The following CPXM2 variants were observed in gnomAD, a reference collection of about 807,000 sequenced individuals.
CPXM2 encodes carboxypeptidase X, M14 family member 2, also known as inactive carboxypeptidase-like protein X2.
Under a neutral mutation model 86.1 loss-of-function variants are expected in CPXM2, and 66 were observed. That is an observed-to-expected ratio of 0.77 (90% CI 0.63 to 0.94). The LOEUF is 0.94. CPXM2 is among the 40% of genes least tolerant of loss of function. The pLI is 0.00. For synonymous variants in CPXM2, 388 were observed against 400.2 expected, an observed-to-expected ratio of 0.97 and a Z score of 0.36; for missense variants, 948 against 1,026.3, an observed-to-expected ratio of 0.92 and a Z score of 1.04.
chr10:123,941,226 T>C (rs985845889), upstream of CPXM2, among the ~76,000 whole-genome samples: 1 of 152,208 alleles, frequency 6.6e-6, no homozygotes, highest in African/African-American at 2.4e-5. Context: ...TATTGTCTCA[T>C]AGTTCTGGGG....
chr10:123,764,619 T>C (rs1282078430), intron 10 of CPXM2, among the ~76,000 whole-genome samples: 1 of 152,132 alleles, frequency 6.6e-6, no homozygotes, highest in Non-Finnish European at 1.5e-5. Context: ...CCCAAGTAGT[T>C]GGGACCACAG....
At chr10:123,889,335 T>C (rs1383844974) in intron 1 of CPXM2, among the ~76,000 whole-genome samples, 1 of 152,174 alleles carries the variant, frequency 6.6e-6, no homozygotes, top group East Asian at 1.9e-4. Context: ...CGGGGAAGCA[T>C]TACGCAAGCC....
At chr10:123,778,379 G>A (rs1179740251) in intron 7 of CPXM2, among the ~76,000 whole-genome samples, 1 of 152,090 alleles carries the variant, frequency 6.6e-6, no homozygotes, top group Non-Finnish European at 1.5e-5. Context: ...ATCATTTCTG[G>A]CTTGAACACT....
At chr10:123,816,205 T>C (rs922828523) in intron 4 of CPXM2, among the ~76,000 whole-genome samples, 1 of 152,150 alleles carries the variant, frequency 6.6e-6, no homozygotes, top group Non-Finnish European at 1.5e-5. Context: ...AATAGATTTG[T>C]GAGGGCAGCA....
intron 3 of CPXM2, among the ~76,000 whole-genome samples, chr10:123,843,571 T>TA (rs930352155): frequency 1.7e-4 from 24 of 144,918 alleles, no homozygotes; most frequent in South Asian, 6.5e-4. Context: ...ATGATCAGAT[T>TA]AAAAAAAAAA....
chr10:123,767,070 G>T lies in CPXM2; in HGVS notation c.1382C>A (p.Thr461Lys). 6.2e-7 allele frequency: 1 copy of T among 1,614,150 alleles called. No homozygotes were observed. Among genetic ancestry groups the T allele is most frequent in the Non-Finnish European group, 8.5e-7 (1 of 1,179,994 alleles). The change falls in exon 10 of 14, where the codon ACG (threonine) becomes AAG (lysine). Residue 461 changes from threonine to lysine, a missense_variant. Thr to Lys is a moderately conservative substitution (Grantham distance 78, BLOSUM62 -1). Coordinates refer to ENST00000241305, the MANE Select transcript of CPXM2 (RefSeq NM_198148.3). ...TCGATCCTCTGCCTCCCAGAGCAGC[G>T]TGTTTAAATCAGGAAAGTTGTTGTT... ...DINNNFPDLN[T>K]LLWEAEDRQN...
intron 1 of CPXM2, among the ~76,000 whole-genome samples, chr10:123,881,967 AG>A (rs563674505): frequency 1.3e-5 from 2 of 152,258 alleles, no homozygotes; most frequent in African/African-American, 4.8e-5. Context: ...CAGAAAGAAG[AG>A]GCAGGGCAGG....
At chr10:123,750,608 A>G in intron 13 of CPXM2, 1 of 961,650 alleles carries the variant, frequency 1.0e-6, no homozygotes, top group Non-Finnish European at 1.2e-6. Context: ...AATTATCTCT[A>G]GGTCTCCTTC....
At position 123,762,139 on chromosome 10, in the gene CPXM2, A is replaced by G; in HGVS notation, c.1510T>C (p.Trp504Arg). 1.2e-6 allele frequency: 2 copies of G among 1,614,148 alleles called. No homozygotes were observed. The highest frequency in any genetic ancestry group is 2.2e-5 in the East Asian group (1 of 44,876). ...AGCACAAAAGGGATTTTTTCCATCC[A>G]GGCTATGACTGCTCTGGTCTCGGCA... The part of the protein sequence containing the change: ...VAAETRAVIA[W>R]MEKIPFVLGG... The change falls in exon 11 of 14, where the codon TGG becomes CGG. Residue 504 changes from tryptophan (W) to arginine (R), a missense_variant. Transcript: ENST00000241305.
At chr10:123,843,272 A>G (rs532635880) in intron 3 of CPXM2, 30 of 455,608 alleles carry the variant, frequency 6.6e-5, no homozygotes, top group African/African-American at 5.8e-4. Flanking sequence ...TTTGATCTGA[A>G]TTTCCAAGAT....
chr10:123,786,320 G>A (rs564634228), intron 6 of CPXM2, among the ~76,000 whole-genome samples: 17 of 152,258 alleles, frequency 1.1e-4, no homozygotes, highest in African/African-American at 3.1e-4. Context: ...AGAGACGGAC[G>A]GGTGGCAAAG....
Position 123,757,331 on chromosome 10 carries a change from A to G in CPXM2, c.1799T>C (p.Leu600Pro), listed in dbSNP as rs1253983492. 1 of 1,613,780 alleles carries G rather than the reference A, an allele frequency of 6.2e-7. No homozygotes were observed. Among genetic ancestry groups the G allele is most frequent in the East Asian group, 2.2e-5 (1 of 44,884 alleles). ...VAGSLNDFSY[L>P]HTNCFELSIY... Reference sequence around the variant, plus strand: ...GGACAGTTCGAAGCAGTTTGTATGAAGGTAGCTGAAATCGTTCAGACCTGC... The same window carrying G: ...GGACAGTTCGAAGCAGTTTGTATGAGGGTAGCTGAAATCGTTCAGACCTGC... The change falls in exon 12 of 14, where the codon CTT becomes CCT. Residue 600 changes from leucine (L) to proline (P), a missense_variant. Coordinates refer to ENST00000241305, the MANE Select transcript of CPXM2 (RefSeq NM_198148.3).
At chr10:123,856,161 G>A (rs564741724) in intron 3 of CPXM2, among the ~76,000 whole-genome samples, 39 of 152,218 alleles carry the variant, frequency 2.6e-4, no homozygotes, top group South Asian at 6.2e-4. Flanking sequence ...GATGTAAGTC[G>A]GTCCCCAGTT....
At chr10:123,821,687 T>C (rs1034716438) in intron 4 of CPXM2, among the ~76,000 whole-genome samples, 1 of 151,700 alleles carries the variant, frequency 6.6e-6, no homozygotes, top group Non-Finnish European at 1.5e-5. Context: ...CATTTGACAA[T>C]GTCTGGAGAC....
intron 11 of CPXM2, among the ~76,000 whole-genome samples, chr10:123,761,214 C>T (rs1846328964): frequency 6.6e-6 from 1 of 152,188 alleles, no homozygotes; most frequent in South Asian, 2.1e-4. Context: ...CCATGCAGCA[C>T]ACAGTCGGCG....
At chr10:123,806,540 G>A (rs1467491551) in intron 4 of CPXM2, among the ~76,000 whole-genome samples, 1 of 152,094 alleles carries the variant, frequency 6.6e-6, no homozygotes, top group South Asian at 2.1e-4. Context: ...ATAGTATACT[G>A]GTTAATACCT....
At position 123,865,009 on chromosome 10, in the gene CPXM2, C is replaced by A. The variant is rs61861900; in HGVS notation, c.404-2286G>T. 2.0e-5 allele frequency among the ~76,000 whole-genome samples: 3 copies of A among 152,170 alleles called. No homozygotes were observed. Among genetic ancestry groups the A allele is most frequent in the Non-Finnish European group, 4.4e-5 (3 of 68,030 alleles). ...CTGCCCTCTCACGGGCTGAGTTTCC[C>A]GCCGCCAGCAGTGCTGGCAGCTGCC... On this transcript the variant is annotated intron_variant, in intron 2 of 13. Coordinates refer to ENST00000241305, the MANE Select transcript of CPXM2 (RefSeq NM_198148.3). The surrounding 1 kb of genome is among the most constrained non-coding windows in gnomAD (Gnocchi z 4.7).
chr10:123,839,520 G>A lies in CPXM2; in HGVS notation c.653+2829C>T, dbSNP rs117734444. On this transcript the variant is annotated intron_variant, in intron 4 of 13. Transcript: ENST00000241305. Reference sequence around the variant, plus strand: ...TCCTGGGTAAGGTCCCGGGAATAATGAGTGCCAAGACATGGATCTGCCATC... The same window carrying A: ...TCCTGGGTAAGGTCCCGGGAATAATAAGTGCCAAGACATGGATCTGCCATC... Among the ~76,000 whole-genome samples, 17 of 152,242 alleles carry A rather than the reference G, an allele frequency of 1.1e-4. No homozygotes were observed. In the East Asian group the frequency reaches 3.3e-3, roughly 29 times the overall value.
intron 2 of CPXM2, among the ~76,000 whole-genome samples, chr10:123,877,080 A>G (rs1291622426): frequency 6.6e-6 from 1 of 152,252 alleles, no homozygotes; most frequent in African/African-American, 2.4e-5. Context: ...ACACATGTAA[A>G]AAACAAGCCC....
Sources: allele counts gnomAD v4.1 joint callset (sites outside exome capture counted in the v4.1 genomes callset), GRCh38; gene constraint gnomAD v4.1.1; non-coding constraint Gnocchi (gnomAD v3.1); transcripts MANE v1.5; gene names NCBI Gene and HGNC (gene_info 2026-07-23, HGNC 2026-07-21).